SGO1: variants seen among roughly 807,000 people sequenced by gnomAD.
SGO1 encodes the protein shugoshin 1, also known as serologically defined breast cancer antigen NY-BR-85.
Under a neutral mutation model 50.5 loss-of-function variants are expected in SGO1, and 39 were observed. That is an observed-to-expected ratio of 0.77 (90% CI 0.60 to 1.01). The LOEUF (loss-of-function observed/expected upper bound fraction) is 1.01, where lower values mean the gene tolerates loss of function less well. Among genes scored for constraint, SGO1 ranks in the 50% least tolerant of loss-of-function variants. The pLI is 0.00. For missense variants in SGO1, 638 were observed against 606.0 expected, an observed-to-expected ratio of 1.05 and a Z score of -0.55; for synonymous variants, 191 against 205.1, an observed-to-expected ratio of 0.93 and a Z score of 0.59.
intron 8 of SGO1, among the ~76,000 whole-genome samples, chr3:20,162,378 TA>T (rs1453120475): frequency 2.6e-5 from 4 of 152,176 alleles, no homozygotes; most frequent in African/African-American, 4.8e-5. Context: ...CACATCTTCG[TA>T]CTGGGGGTAA....
At chr3:20,178,885 A>G (rs1701693686) in intron 3 of SGO1, among the ~76,000 whole-genome samples, 1 of 152,190 alleles carries the variant, frequency 6.6e-6, no homozygotes, top group Non-Finnish European at 1.5e-5. Context: ...TAGTCTAAGT[A>G]TGATGGGAAG....
In SGO1 at chr3:20,174,966, C is replaced by A; in HGVS notation, c.565G>T (p.Val189Leu). ...TTCTTTAAACTGCTACGAACAGATA[C>A]AGTTCTAGGTAAGACATTATCAGTA... ...KSTDNVLPRT[V>L]SVRSSLKKHC... Residue 189 changes from valine (V) to leucine (L), a missense_variant, in exon 6 of 8, where the codon GTA (valine) becomes TTA (leucine). Transcript: ENST00000412997. The A allele has an allele frequency of 6.2e-7, 1 of 1,613,848 alleles. No individual in the cohort carries two copies. The highest frequency in any genetic ancestry group is 8.5e-7 in the Non-Finnish European group (1 of 1,179,864).
chr3:20,173,169 T>C (rs998577023), intron 6 of SGO1, among the ~76,000 whole-genome samples: 5 of 152,116 alleles, frequency 3.3e-5, no homozygotes, highest in African/African-American at 1.2e-4. Context: ...TTCGCTCTTG[T>C]TGCCTAGGCT....
rs1431550863 is a variant in SGO1 at position 20,175,187 on chromosome 3, CTG to C, written c.476-134_476-133del. On this transcript the variant is annotated intron_variant, in intron 5 of 7. Coordinates refer to ENST00000412997, the MANE Select transcript of SGO1 (RefSeq NM_001199251.3). ...CTGTAGTTTTCCTACATTATAAAATCTGTAAATAAAAACCTGGGAACTTAAAT... is the reference window on the plus strand; with the variant it reads ...CTGTAGTTTTCCTACATTATAAAATCTAAATAAAAACCTGGGAACTTAAAT... The C allele has an allele frequency of 5.2e-6, 5 of 969,706 alleles. No homozygotes were observed. In the East Asian group the frequency reaches 1.5e-4, roughly 30 times the overall value. 60.1% of individuals were successfully genotyped at this position (969,706 alleles called of 1,614,324 possible). A position where few individuals can be genotyped will look rare whatever the true frequency, so the allele number is the denominator to read the frequency against.
At chr3:20,174,207 T>C (rs768939729) in intron 6 of SGO1, 42 bp downstream of exon 6, 1 of 1,460,318 alleles carries the variant, frequency 6.8e-7, no homozygotes, top group South Asian at 1.2e-5. Flanking sequence ...TGATCATTTA[T>C]CACGAACATT....
intron 4 of SGO1, among the ~76,000 whole-genome samples, chr3:20,177,823 T>C (rs997886797): frequency 2.0e-5 from 3 of 152,174 alleles, no homozygotes; most frequent in African/African-American, 7.2e-5. Context: ...ATATGGGATC[T>C]AGAAAAATGA....
chr3:20,171,337 T>G (rs1318265923), intron 6 of SGO1, 105 bp from the exon 7 acceptor site: 1 of 962,806 alleles, frequency 1.0e-6, no homozygotes, highest in Non-Finnish European at 1.5e-6. Context: ...AATCCAGCAT[T>G]TAATAATAGA....
chr3:20,174,528 A>G lies in SGO1; in HGVS notation c.1003T>C (p.Tyr335His). ...MHKSVSSNDA[Y>H]NFNLEEGVHL... ...ACACCCTCTTCCAAATTAAAATTGT[A>G]AGCATCATTGGAACTGACAGATTTG... Residue 335 changes from tyrosine (Y) to histidine (H), a missense_variant, in exon 6 of 8, where the codon TAC becomes CAC. Transcript: ENST00000412997. 1.2e-6 allele frequency: 2 copies of G among 1,614,110 alleles called. No individual in the cohort carries two copies. The highest frequency in any genetic ancestry group is 8.5e-7 in the Non-Finnish European group (1 of 1,180,000).
chr3:20,176,998 C>T (rs1205794396), intron 4 of SGO1, among the ~76,000 whole-genome samples: 2 of 152,196 alleles, frequency 1.3e-5, no homozygotes, highest in Non-Finnish European at 2.9e-5. Context: ...TTTGATCACT[C>T]AACTCTTTAG....
rs1700540748 is a variant in SGO1, at chr3:20,169,887, T to C, written c.*817A>G. ...ATAAACAACTTAGGGTGTACCCTAC[T>C]GTAAATGTCAAATATTTATTTTACT... On this transcript the variant is annotated 3_prime_UTR_variant, in exon 8 of 8. Coordinates refer to ENST00000412997, the MANE Select transcript of SGO1 (RefSeq NM_001199251.3). 2.0e-6 allele frequency: 2 copies of C among 982,272 alleles called. No individual in the cohort carries two copies. Among genetic ancestry groups the C allele is most frequent in the Non-Finnish European group, 2.4e-6 (2 of 827,170 alleles). The allele number at this position is 982,272 out of a possible 1,614,324, so 60.8% of individuals were successfully genotyped here. A position where few individuals can be genotyped will look rare whatever the true frequency, so the allele number is the denominator to read the frequency against.
In SGO1 at chr3:20,183,796, A is replaced by C; in HGVS notation, c.151T>G (p.Ser51Ala). The C allele has an allele frequency of 6.2e-7, 1 of 1,608,138 alleles. No individual in the cohort carries two copies. The highest frequency in any genetic ancestry group is 8.5e-7 in the Non-Finnish European group (1 of 1,178,712). ...TCTTGGTAATTTTTCAGCAGTGTAGAAGTGTTGGCTAAAAGAGGATAAAAA... is the reference window on the plus strand; with the variant it reads ...TCTTGGTAATTTTTCAGCAGTGTAGCAGTGTTGGCTAAAAGAGGATAAAAA... ...AAPCQIITNT[S>A]TLLKNYQDNN... The change falls in exon 3 of 8, where the codon TCT becomes GCT. Residue 51 changes from serine (S) to alanine (A), a missense_variant. Ser to Ala is a moderately conservative substitution (Grantham distance 99). Coordinates refer to ENST00000412997, the MANE Select transcript of SGO1 (RefSeq NM_001199251.3).
rs187339051 is a variant in SGO1 at position 20,177,335 on chromosome 3, G to C, written c.417-676C>G. 9 of 104,848 alleles carry C rather than the reference G, an allele frequency of 8.6e-5. No homozygotes were observed. In the East Asian group the frequency reaches 2.6e-3, roughly 30 times the overall value. 6.5% of individuals were successfully genotyped at this position (104,848 alleles called of 1,614,324 possible). ...CTTATCTTACCTTTTGCCCACAACA[G>C]ATCTTAAAGTACAACAGTTTAAAAA... On this transcript the variant is annotated intron_variant, in intron 4 of 7. Transcript: ENST00000412997.
intron 1 of SGO1, among the ~76,000 whole-genome samples, chr3:20,184,974 A>T (rs974717628): frequency 6.6e-6 from 1 of 152,096 alleles, no homozygotes; most frequent in African/African-American, 2.4e-5. Flanking sequence ...CAGAATTTTC[A>T]CTACAAAGGA....
At chr3:20,165,892 T>C (rs1012235088), downstream of SGO1, among the ~76,000 whole-genome samples, 6 of 151,772 alleles carry the variant, frequency 4.0e-5, no homozygotes, top group Non-Finnish European at 7.4e-5. Context: ...ACTCTACTAA[T>C]AATACAAAAA....
Position 20,174,671 on chromosome 3 carries a change from G to T in SGO1, c.860C>A (p.Thr287Lys). ...SEQTKSKQRD[T>K]QERKREEKRK... ...TTTCTCTTCTCTTTTTCTTTCTTGT[G>T]TATCTCTTTGCTTACTTTTAGTTTG... Residue 287 changes from threonine (T) to lysine (K), a missense_variant, in exon 6 of 8, where the codon ACA (threonine) becomes AAA (lysine). Thr to Lys is a moderately conservative substitution (Grantham distance 78). Transcript: ENST00000412997. 1 of 1,607,878 alleles carries T rather than the reference G, an allele frequency of 6.2e-7. No individual in the cohort carries two copies. The highest frequency in any genetic ancestry group is 8.5e-7 in the Non-Finnish European group (1 of 1,177,470).
rs760862944 is a variant in SGO1 at position 20,161,116 on chromosome 3, A to C, written c.1675T>G (p.Cys559Gly). The C allele has an allele frequency of 1.9e-6, 3 of 1,613,924 alleles. No individual in the cohort carries two copies. The South Asian group carries it at 3.3e-5, about 18-fold the overall frequency. Reference sequence around the variant, plus strand: ...GAAGCCCGTGGACTTTACCTCAAGCAGATGTGGGTTTCAAGTTTACATTTC... The same window carrying C: ...GAAGCCCGTGGACTTTACCTCAAGCCGATGTGGGTTTCAAGTTTACATTTC... Residue 559 changes from cysteine to glycine, a missense_variant, in exon 9 of 9, where the codon TGC becomes GGC. Cys to Gly is a radical substitution (Grantham distance 159). Coordinates refer to the SGO1 transcript ENST00000263753.
exon 9 of SGO1, chr3:20,161,172 C>T (rs368430426): frequency 9.9e-6 from 16 of 1,612,206 alleles, no homozygotes; most frequent in Admixed American, 3.4e-5. Flanking sequence ...AACAAATTCT[C>T]GAACATAATA....
rs1258184750 is a variant in SGO1, at chr3:20,176,186, G to A, written c.475+415C>T. 2.0e-5 allele frequency among the ~76,000 whole-genome samples: 3 copies of A among 152,182 alleles called. No individual in the cohort carries two copies. In the East Asian group the frequency reaches 5.8e-4, roughly 29 times the overall value. On this transcript the variant is annotated intron_variant, in intron 5 of 7. Coordinates refer to ENST00000412997, the MANE Select transcript of SGO1 (RefSeq NM_001199251.3). ...GTAGTAAGAAAGGGATGGCTTTGGA[G>A]TTCAACTTTGATTTTAAATGCTAGC...
chr3:20,176,990 T>G (rs1041644210), intron 4 of SGO1, among the ~76,000 whole-genome samples: 1 of 152,240 alleles, frequency 6.6e-6, no homozygotes, highest in African/African-American at 2.4e-5. Flanking sequence ...AAATGTAGTT[T>G]GATCACTCAA....
Sources: allele counts gnomAD v4.1 joint callset (sites outside exome capture counted in the v4.1 genomes callset), GRCh38; gene constraint gnomAD v4.1.1; transcripts MANE v1.5; gene names NCBI Gene and HGNC (gene_info 2026-07-23, HGNC 2026-07-21).